The following FAM13A variants were observed in gnomAD, a reference collection of about 807,000 sequenced individuals.
FAM13A encodes the protein protein FAM13A.
FAM13A carries 76 observed loss-of-function variants against 129.6 expected under a neutral mutation model. The observed-to-expected ratio is 0.59, with a 90% confidence interval of 0.49 to 0.71. The LOEUF (loss-of-function observed/expected upper bound fraction) is 0.71, where lower values mean the gene tolerates loss of function less well. Ranked by LOEUF, FAM13A falls within the 30% of genes least tolerant of loss-of-function variation. The pLI, the probability that FAM13A is intolerant of heterozygous loss-of-function variation, is 0.00. For missense variants in FAM13A, 1,108 were observed against 1,249.3 expected (o/e 0.89, Z 1.70); for synonymous variants, 443 against 449.9 (o/e 0.98, Z 0.20).
Position 89,020,632 on chromosome 4 carries a change from G to A in FAM13A, c.255C>T (p.Asn85=), listed in dbSNP as rs769586687. The change falls in exon 3 of 24, where the codon AAC becomes AAT. Residue 85 remains asparagine, a synonymous_variant. Transcript: ENST00000264344. The part of the protein sequence containing the change: ...TQEGLFRVNG[N]VKVVEQLRLK... ...GTCGAAGTTGTTCCACCACCTTCAC[G>A]TTACCATTCACCCTAAAAAGACCTT... 3.1e-6 allele frequency: 5 copies of A among 1,614,000 alleles called. No individual in the cohort carries two copies. Among genetic ancestry groups the A allele is most frequent in the Admixed American group, 3.3e-5 (2 of 59,994 alleles).
At chr4:88,775,686 G>A (rs954901659) in intron 11 of FAM13A, among the ~76,000 whole-genome samples, 2 of 152,078 alleles carry the variant, frequency 1.3e-5, no homozygotes, top group African/African-American at 4.8e-5. Flanking sequence ...CAGGCTGGAT[G>A]ACAGAGTTAG....
chr4:88,777,401 A>G (rs1721978826), intron 11 of FAM13A, among the ~76,000 whole-genome samples: 1 of 152,162 alleles, frequency 6.6e-6, no homozygotes, highest in African/African-American at 2.4e-5. Context: ...TTCAAAGTAA[A>G]AGAGGAGATA....
intron 5 of FAM13A, among the ~76,000 whole-genome samples, chr4:88,926,838 G>A (rs1046826393): frequency 6.6e-6 from 1 of 152,096 alleles, no homozygotes; most frequent in Non-Finnish European, 1.5e-5. Flanking sequence ...GCCCATTTGA[G>A]TAATTCAAGC....
chr4:88,964,767 A>G (rs1759121492), intron 4 of FAM13A, among the ~76,000 whole-genome samples: 1 of 151,670 alleles, frequency 6.6e-6, no homozygotes, highest in African/African-American at 2.4e-5. Flanking sequence ...AGCTAAGATC[A>G]CAGGCACGCA....
intron 10 of FAM13A, among the ~76,000 whole-genome samples, chr4:88,784,021 C>T (rs1039968163): frequency 3.3e-5 from 5 of 151,996 alleles, no homozygotes; most frequent in African/African-American, 4.8e-5. Context: ...CAGCTAAAAA[C>T]GATTTTTAAA....
At chr4:88,741,040 T>A (rs1443650122) in intron 19 of FAM13A, among the ~76,000 whole-genome samples, 3 of 152,328 alleles carry the variant, frequency 2.0e-5, no homozygotes, top group South Asian at 2.1e-4. Context: ...CTGGCAAGGA[T>A]GTTGAACATC....
intron 2 of FAM13A, among the ~76,000 whole-genome samples, 156 bp downstream of exon 2, chr4:89,029,303 CT>C: frequency 6.6e-6 from 1 of 152,080 alleles, no homozygotes; most frequent in East Asian, 1.9e-4. Context: ...CAGTAATGCC[CT>C]TTTTTAAATG....
Position 89,057,142 on chromosome 4 carries a change from C to T in FAM13A, c.-178G>A. The T allele has an allele frequency of 6.9e-7, 1 of 1,440,450 alleles. No homozygotes were observed. The highest frequency in any genetic ancestry group is 9.1e-7 in the Non-Finnish European group (1 of 1,098,664). 89.2% of individuals were successfully genotyped at this position (1,440,450 alleles called of 1,614,324 possible). On this transcript the variant is annotated 5_prime_UTR_variant, in exon 1 of 24. Coordinates refer to ENST00000264344, the MANE Select transcript of FAM13A (RefSeq NM_014883.4). ...CATTTTAGGAAGAGTGGTTTTGCTT[C>T]TCTTTCCGCTGAACCCACATGGCTG...
intron 5 of FAM13A, among the ~76,000 whole-genome samples, chr4:88,923,879 G>A (rs1246635): frequency 0.18 from 27,942 of 151,762 alleles, 2,737 homozygotes; most frequent in Non-Finnish European, 0.2. Flanking sequence ...ATCAATGTAC[G>A]AAAATCACAA....
intron 9 of FAM13A, among the ~76,000 whole-genome samples, chr4:88,790,323 C>T (rs1054321119): frequency 2.6e-5 from 4 of 152,174 alleles, no homozygotes; most frequent in Non-Finnish European, 2.9e-5. Context: ...TTAATTGATC[C>T]TGGCATTATT....
intron 6 of FAM13A, among the ~76,000 whole-genome samples, chr4:88,851,907 C>A (rs970584983): frequency 9.2e-5 from 14 of 152,094 alleles, no homozygotes; most frequent in Admixed American, 3.9e-4. Flanking sequence ...AATATGAATA[C>A]AATCAATATT....
chr4:88,728,396 G>T lies in FAM13A; in HGVS notation c.*137C>A, dbSNP rs192297613. 1 of 986,484 alleles carries T rather than the reference G, an allele frequency of 1.0e-6. No individual in the cohort carries two copies. Among genetic ancestry groups the T allele is most frequent in the Non-Finnish European group, 1.5e-6 (1 of 666,588 alleles). The allele number at this position is 986,484 out of a possible 1,614,324, so 61.1% of individuals were successfully genotyped here. A position where few individuals can be genotyped will look rare whatever the true frequency, so the allele number is the denominator to read the frequency against. ...AAGGCAGGCAATGGAAACAGGAGCCGATGCCAAATGGTCTAGAGGCAGAAG... is the reference window on the plus strand; with the variant it reads ...AAGGCAGGCAATGGAAACAGGAGCCTATGCCAAATGGTCTAGAGGCAGAAG... On this transcript the variant is annotated 3_prime_UTR_variant, in exon 24 of 24. Coordinates refer to ENST00000264344, the MANE Select transcript of FAM13A (RefSeq NM_014883.4).
chr4:88,838,459 C>T (rs115367492), intron 7 of FAM13A, among the ~76,000 whole-genome samples: 5,667 of 152,180 alleles, frequency 0.037, 258 homozygotes, highest in South Asian at 0.24. Context: ...ACATTTTGGC[C>T]GGGCACGGTG....
At chr4:88,755,876 T>A (rs1743510590) in intron 14 of FAM13A, among the ~76,000 whole-genome samples, 1 of 152,252 alleles carries the variant, frequency 6.6e-6, no homozygotes, top group Admixed American at 6.5e-5. Context: ...TTTGAACTCC[T>A]GGGCTGAAGT....
chr4:88,855,412 T>C (rs1738317487), intron 6 of FAM13A: 1 of 152,124 alleles, frequency 6.6e-6, no homozygotes, highest in African/African-American at 2.4e-5. Flanking sequence ...AATAACCAAA[T>C]TACTATCATA....
intron 7 of FAM13A, among the ~76,000 whole-genome samples, chr4:88,829,655 C>G (rs537918806): frequency 5.3e-5 from 8 of 152,276 alleles, no homozygotes; most frequent in Middle Eastern, 6.8e-3. Flanking sequence ...TGTGTTAAAA[C>G]ACTAGTGGAT....
At chr4:88,929,889 C>T (rs914654123) in intron 5 of FAM13A, among the ~76,000 whole-genome samples, 8 of 152,114 alleles carry the variant, frequency 5.3e-5, no homozygotes, top group Non-Finnish European at 1.0e-4. Context: ...AGGTGTGTAC[C>T]ACCATGCCCA....
intron 13 of FAM13A, among the ~76,000 whole-genome samples, chr4:88,760,828 T>C (rs1156896217): frequency 2.7e-5 from 4 of 150,918 alleles, no homozygotes; most frequent in African/African-American, 9.8e-5. Flanking sequence ...CAATCATGAG[T>C]GTGCCTGGGT....
chr4:88,891,415 G>A (rs1745297812), intron 6 of FAM13A, among the ~76,000 whole-genome samples: 1 of 151,996 alleles, frequency 6.6e-6, no homozygotes, highest in Non-Finnish European at 1.5e-5. Flanking sequence ...GAGAGAACCT[G>A]CCTCAAGAAA....
Sources: allele counts gnomAD v4.1 joint callset (sites outside exome capture counted in the v4.1 genomes callset), GRCh38; gene constraint gnomAD v4.1.1; transcripts MANE v1.5; gene names NCBI Gene and HGNC (gene_info 2026-07-23, HGNC 2026-07-21).